The following HERC2 variants were observed in gnomAD, a reference collection of about 807,000 sequenced individuals.
HERC2 encodes E3 ubiquitin-protein ligase HERC2.
A neutral mutation model predicts 537.7 loss-of-function variants in HERC2; 102 were observed. The ratio of observed to expected loss-of-function variants is 0.19; its 90% CI spans 0.16 to 0.22. The LOEUF is 0.22. HERC2 is among the 10% of genes least tolerant of loss of function. The pLI is 1.00. For missense variants in HERC2, 4,236 were observed against 6,198.2 expected, an observed-to-expected ratio of 0.68 and a Z score of 10.63; for synonymous variants, 2,224 against 2,466.2, an observed-to-expected ratio of 0.90 and a Z score of 2.91.
rs1895319117 is a variant in HERC2 at position 28,176,641 on chromosome 15, A to G, written c.9515-42T>C. On this transcript the variant is annotated intron_variant, in intron 62 of 92. Transcript: ENST00000261609. The surrounding 1 kb of genome is among the most constrained non-coding windows in gnomAD (Gnocchi z 5.0). Reference sequence around the variant, plus strand: ...CATATACTTCAGGCCAGCGTTTCATATCATTCCTACCCACCCAGAAGCACA... The same window carrying G: ...CATATACTTCAGGCCAGCGTTTCATGTCATTCCTACCCACCCAGAAGCACA... The G allele has an allele frequency of 1.2e-6, 2 of 1,613,860 alleles. No individual in the cohort carries two copies. Among genetic ancestry groups the G allele is most frequent in the Non-Finnish European group, 1.7e-6 (2 of 1,179,866 alleles).
chr15:28,153,610 C>G (rs1344660721), intron 69 of HERC2, among the ~76,000 whole-genome samples: 1 of 152,076 alleles, frequency 6.6e-6, no homozygotes, highest in African/African-American at 2.4e-5. Flanking sequence ...GAGACTGCAC[C>G]ACTGCACTCC....
rs772181936 is a variant in HERC2, at chr15:28,229,728, G to A, written c.4929C>T (p.Ala1643=). 7 of 1,610,664 alleles carry A rather than the reference G, an allele frequency of 4.3e-6. No homozygotes were observed. The African/African-American group carries it at 8.0e-5, about 18-fold the overall frequency. The part of the protein sequence containing the change: ...SPLLSTIAEF[A]LKEEPVDVEK... ...CCACATCCACTGGCTCTTCTTTAAG[G>A]GCAAATTCAGCAATTGTACTGAGGA... The change falls in exon 32 of 93, where the codon GCC becomes GCT. Residue 1643 remains alanine, a synonymous_variant. Coordinates refer to ENST00000261609, the MANE Select transcript of HERC2 (RefSeq NM_004667.6).
In HERC2 at chr15:28,256,324, G is replaced by C. The variant is rs1360016637; in HGVS notation, c.2518-7C>G. 3 of 1,573,754 alleles carry C rather than the reference G, an allele frequency of 1.9e-6. No homozygotes were observed. Among genetic ancestry groups the C allele is most frequent in the Admixed American group, 1.8e-5 (1 of 56,976 alleles). On this transcript the variant is annotated splice_region_variant and splice_polypyrimidine_tract_variant and intron_variant, in intron 17 of 92. Transcript: ENST00000261609. ...GACTAATGGCAGCATGCAACTGAAA[G>C]GAGAAAAACAATTTTCACTTAGAAC...
At chr15:28,112,194 T>C (rs1017187625) in intron 92 of HERC2, among the ~76,000 whole-genome samples, 159 bp from the exon 93 acceptor site, 42 of 152,142 alleles carry the variant, frequency 2.8e-4, no homozygotes, top group African/African-American at 9.2e-4. Context: ...CGAGGAGCAA[T>C]TAATTCCTAG....
At chr15:28,125,504 C>T (rs1297521756) in intron 83 of HERC2, among the ~76,000 whole-genome samples, 2 of 152,186 alleles carry the variant, frequency 1.3e-5, no homozygotes, top group Non-Finnish European at 2.9e-5. Flanking sequence ...AGTGTTAGTT[C>T]TCAGGACTAG....
chr15:28,201,706 A>AAAG, intron 47 of HERC2, 152 bp from the exon 48 acceptor site: 1 of 640,216 alleles, frequency 1.6e-6, no homozygotes, highest in South Asian at 2.0e-5. Context: ...AAAGACTAAT[A>AAAG]GCAGTAGCAT....
chr15:28,290,219 G>A (rs2141123612), intron 4 of HERC2, among the ~76,000 whole-genome samples: 1 of 152,298 alleles, frequency 6.6e-6, no homozygotes, highest in South Asian at 2.1e-4. Flanking sequence ...AATAGAACAA[G>A]TAGGCAGAAA....
At chr15:28,234,022 T>C in intron 27 of HERC2, 48 bp downstream of exon 27, 1 of 659,980 alleles carries the variant, frequency 1.5e-6, no homozygotes. Context: ...GTCAAAGTCC[T>C]CAGATAAACA....
At chr15:28,292,819 T>TC in intron 4 of HERC2, 69 bp downstream of exon 4, 2 of 1,445,682 alleles carry the variant, frequency 1.4e-6, no homozygotes, top group South Asian at 2.5e-5. Context: ...ATACTAAGAA[T>TC]CCATCCAAGT....
At chr15:28,221,745 T>C (rs987923883) in intron 36 of HERC2, among the ~76,000 whole-genome samples, 1 of 149,998 alleles carries the variant, frequency 6.7e-6, no homozygotes, top group Non-Finnish European at 1.5e-5. Flanking sequence ...ACTCTCTTGC[T>C]CACTCTCACA....
intron 30 of HERC2, among the ~76,000 whole-genome samples, chr15:28,231,530 C>T (rs1390494245): frequency 2.6e-5 from 4 of 152,144 alleles, no homozygotes; most frequent in East Asian, 1.9e-4. Flanking sequence ...CGCTCAGGTG[C>T]GCTGGCCTGG....
chr15:28,262,037 G>C (rs1173465418), intron 15 of HERC2, among the ~76,000 whole-genome samples: 2 of 152,160 alleles, frequency 1.3e-5, no homozygotes, highest in Non-Finnish European at 2.9e-5. Context: ...ATACAATCTG[G>C]TCCTTTAAGA....
In HERC2 at chr15:28,307,212, T is replaced by C. The variant is rs561647620; in HGVS notation, c.73-7696A>G. On this transcript the variant is annotated intron_variant, in intron 2 of 92. Coordinates refer to ENST00000261609, the MANE Select transcript of HERC2 (RefSeq NM_004667.6). ...TCATAGTCTCTAATGACCCTTTGAA[T>C]TTCTGCAATATCAGTTGTAATGCCT... Among the ~76,000 whole-genome samples, 63 of 152,350 alleles carry C rather than the reference T, an allele frequency of 4.1e-4. No homozygotes were observed. In the South Asian group the frequency reaches 7.5e-3, roughly 18 times the overall value.
intron 79 of HERC2, among the ~76,000 whole-genome samples, chr15:28,133,133 C>T (rs987329305): frequency 1.5e-4 from 22 of 146,862 alleles, no homozygotes; most frequent in Non-Finnish European, 2.8e-4. Context: ...TACATTTTAA[C>T]GGGTTTAAAA....
intron 56 of HERC2, among the ~76,000 whole-genome samples, chr15:28,183,315 T>C (rs557680810): frequency 3.6e-4 from 55 of 152,314 alleles, no homozygotes; most frequent in African/African-American, 1.3e-3. Flanking sequence ...GCTCAAGCAA[T>C]CCTTCCACCT....
intron 57 of HERC2, among the ~76,000 whole-genome samples, chr15:28,179,949 C>T (rs1390228905): frequency 2.0e-5 from 3 of 152,152 alleles, no homozygotes; most frequent in Admixed American, 2.0e-4. Flanking sequence ...CATAAAGTTA[C>T]AAATAATTTA....
chr15:28,112,860 T>C (rs535891828), intron 92 of HERC2, among the ~76,000 whole-genome samples: 1 of 152,316 alleles, frequency 6.6e-6, no homozygotes, highest in South Asian at 2.1e-4. Context: ...GATGGCCAGA[T>C]ACATTTTTAA....
intron 92 of HERC2, among the ~76,000 whole-genome samples, chr15:28,112,275 C>G (rs777759752): frequency 6.6e-6 from 1 of 152,140 alleles, no homozygotes; most frequent in South Asian, 2.1e-4. Context: ...GAAGAGGGCC[C>G]GAGGACCACA....
chr15:28,254,017 G>A (rs2075172442), intron 20 of HERC2, among the ~76,000 whole-genome samples: 1 of 146,508 alleles, frequency 6.8e-6, no homozygotes, highest in Non-Finnish European at 1.5e-5. Context: ...GGAGTGGTGG[G>A]TGATGCCTGT....
Sources: gnomAD v4.1 joint callset for allele counts (sites outside exome capture counted in the v4.1 genomes callset) on GRCh38, gnomAD v4.1.1 for gene constraint, Gnocchi (gnomAD v3.1) non-coding constraint, MANE v1.5 for transcripts, NCBI Gene and HGNC (gene_info 2026-07-23, HGNC 2026-07-21) for gene names.